The following KIAA1671 variants were observed in gnomAD, a reference collection of about 807,000 sequenced individuals.
KIAA1671 encodes the protein uncharacterized protein KIAA1671.
KIAA1671 carries 52 observed loss-of-function variants against 131.2 expected under a neutral mutation model. The observed-to-expected ratio is 0.40, with a 90% confidence interval of 0.32 to 0.50. The LOEUF is 0.50. Ranked by LOEUF, KIAA1671 falls within the 20% of genes least tolerant of loss-of-function variation. The probability of loss-of-function intolerance (pLI) is 0.73; values close to 1 mark genes in which losing one functional copy is unlikely to be tolerated. For missense variants in KIAA1671, 2,360 were observed against 2,364.2 expected (o/e 1.00, Z 0.04); for synonymous variants, 1,003 against 961.6 (o/e 1.04, Z -0.80).
intron 1 of KIAA1671, among the ~76,000 whole-genome samples, chr22:24,957,965 C>CTTTTTTTTTT (rs140702390): frequency 3.5e-5 from 4 of 114,466 alleles, no homozygotes; most frequent in Admixed American, 9.2e-5. Flanking sequence ...GGCACCCGGC[C>CTTTTTTTTTT]TTTTTTTTTT....
chr22:25,073,703 G>T (rs1238710443), intron 6 of KIAA1671, among the ~76,000 whole-genome samples: 1 of 152,080 alleles, frequency 6.6e-6, no homozygotes, highest in East Asian at 1.9e-4. Flanking sequence ...CCCATTCTGG[G>T]TTTGTTTGTT....
chr22:25,001,729 G>T (rs926679682), intron 1 of KIAA1671, among the ~76,000 whole-genome samples: 2 of 152,236 alleles, frequency 1.3e-5, no homozygotes, highest in South Asian at 4.2e-4. Flanking sequence ...AGACCATCTT[G>T]CCAGGCTTGT....
intron 1 of KIAA1671, among the ~76,000 whole-genome samples, chr22:24,979,740 G>A (rs771213146): frequency 6.6e-5 from 10 of 151,956 alleles, no homozygotes; most frequent in Admixed American, 5.9e-4. Flanking sequence ...AACTCTCTCC[G>A]TCCTCCCAGA....
intron 1 of KIAA1671, among the ~76,000 whole-genome samples, chr22:24,974,130 G>C (rs1425810084): frequency 6.6e-6 from 1 of 152,130 alleles, no homozygotes; most frequent in Admixed American, 6.5e-5. Context: ...GGATTTATCA[G>C]CCGGACTTGG....
intron 5 of KIAA1671, among the ~76,000 whole-genome samples, chr22:25,045,756 A>AT (rs1927187819): frequency 6.6e-6 from 1 of 151,760 alleles, no homozygotes; most frequent in African/African-American, 2.4e-5. Flanking sequence ...TTCCTGGCTA[A>AT]TTTTTTGTAT....
intron 6 of KIAA1671, among the ~76,000 whole-genome samples, chr22:25,161,017 T>C (rs2145993943): frequency 6.6e-6 from 1 of 152,262 alleles, no homozygotes; most frequent in South Asian, 2.1e-4. Context: ...CCCAGCCTCA[T>C]ATCCCATCTA....
At chr22:25,015,246 A>G (rs1427592939) in intron 1 of KIAA1671, among the ~76,000 whole-genome samples, 1 of 144,096 alleles carries the variant, frequency 6.9e-6, no homozygotes, top group African/African-American at 2.5e-5. Flanking sequence ...AAAAAAAAAA[A>G]AAGGCAGCAG....
At chr22:24,981,986 G>C (rs1052855559) in intron 1 of KIAA1671, among the ~76,000 whole-genome samples, 4 of 152,202 alleles carry the variant, frequency 2.6e-5, no homozygotes, top group Non-Finnish European at 5.9e-5. Context: ...GATGCTGCCT[G>C]AATTACCTGA....
At chr22:25,069,781 G>A (rs963012211) in intron 6 of KIAA1671, among the ~76,000 whole-genome samples, 2 of 152,140 alleles carry the variant, frequency 1.3e-5, no homozygotes, top group African/African-American at 4.8e-5. Flanking sequence ...TGTAACGAGT[G>A]GCAGGGCCTC....
intron 6 of KIAA1671, among the ~76,000 whole-genome samples, chr22:25,141,610 G>A (rs1195407237): frequency 1.3e-5 from 2 of 152,146 alleles, no homozygotes; most frequent in Admixed American, 6.5e-5. Flanking sequence ...AGTGAAAAAT[G>A]TATAACTTCT....
intron 6 of KIAA1671, chr22:25,058,642 G>C (rs1927984710): frequency 6.6e-6 from 1 of 152,146 alleles, no homozygotes; most frequent in African/African-American, 2.4e-5. Context: ...GAGTAGAAGA[G>C]GAGAAGTAAT....
intron 6 of KIAA1671, among the ~76,000 whole-genome samples, chr22:25,149,645 G>T (rs875353): frequency 6.6e-6 from 1 of 151,742 alleles, no homozygotes; most frequent in Admixed American, 6.6e-5. Context: ...TCTCTTTATC[G>T]CTTTGCCCTG....
At position 24,993,953 on chromosome 22, in the gene KIAA1671, C is replaced by T. The variant is rs181698220; in HGVS notation, c.-207-31680C>T. 5.2e-4 allele frequency among the ~76,000 whole-genome samples: 79 copies of T among 152,076 alleles called. No individual in the cohort carries two copies. The South Asian group carries it at 1.0e-2, about 19-fold the overall frequency. ...AAAATTAGCCGGGCATGGTAGAGGG[C>T]GCCTGTAATCCCAGCTACTCAGGAG... On this transcript the variant is annotated intron_variant, in intron 1 of 12. Coordinates refer to ENST00000358431, the MANE Select transcript of KIAA1671 (RefSeq NM_001145206.2).
intron 1 of KIAA1671, chr22:25,010,661 G>GT (rs1409658090): frequency 6.6e-6 from 1 of 152,182 alleles, no homozygotes; most frequent in East Asian, 1.9e-4. Context: ...CACAGCCACT[G>GT]TGTGCACTTA....
intron 1 of KIAA1671, among the ~76,000 whole-genome samples, chr22:24,970,522 G>C (rs1193400498): frequency 3.3e-5 from 5 of 152,082 alleles, no homozygotes. Context: ...GCTAATGGTA[G>C]GGCTTACCTA....
At chr22:24,964,792 A>T (rs769001854) in intron 1 of KIAA1671, among the ~76,000 whole-genome samples, 1 of 152,118 alleles carries the variant, frequency 6.6e-6, no homozygotes, top group Non-Finnish European at 1.5e-5. Context: ...TTGGAGAAGG[A>T]GTCACTTGCC....
chr22:25,083,167 T>C (rs1929506701), intron 6 of KIAA1671, among the ~76,000 whole-genome samples: 2 of 152,188 alleles, frequency 1.3e-5, no homozygotes, highest in Admixed American at 1.3e-4. Context: ...GATCAAGGTG[T>C]TGGCAAGTGT....
intron 9 of KIAA1671, among the ~76,000 whole-genome samples, chr22:25,179,881 T>G (rs1348393692): frequency 1.3e-5 from 2 of 152,258 alleles, no homozygotes; most frequent in African/African-American, 4.8e-5. Context: ...AATGCATCAT[T>G]TAAGGCTATA....
chr22:24,977,740 G>A (rs1257085698), intron 1 of KIAA1671, among the ~76,000 whole-genome samples: 1 of 152,264 alleles, frequency 6.6e-6, no homozygotes, highest in Non-Finnish European at 1.5e-5. Flanking sequence ...AGTGGAGACA[G>A]AGGTTTTTTG....
Sources: gnomAD v4.1 joint callset for allele counts (sites outside exome capture counted in the v4.1 genomes callset) on GRCh38, gnomAD v4.1.1 for gene constraint, MANE v1.5 for transcripts, NCBI Gene and HGNC (gene_info 2026-07-23, HGNC 2026-07-21) for gene names.